CDH18: variants seen among roughly 807,000 people sequenced by gnomAD.
The protein encoded by CDH18 is cadherin 18.
In CDH18, 31 loss-of-function variants were observed where a neutral mutation model predicts 67.9. The observed-to-expected ratio is 0.46, with a 90% CI of 0.34 to 0.62. The LOEUF (loss-of-function observed/expected upper bound fraction) is 0.62, where lower values mean the gene tolerates loss of function less well. Ranked by LOEUF, CDH18 falls within the 20% of genes least tolerant of loss-of-function variation. The probability of loss-of-function intolerance (pLI) is 0.01; values close to 1 mark genes in which losing one functional copy is unlikely to be tolerated. For missense variants in CDH18, 890 were observed against 975.5 expected, an observed-to-expected ratio of 0.91 and a Z score of 1.17; for synonymous variants, 362 against 347.2, an observed-to-expected ratio of 1.04 and a Z score of -0.48.
At chr5:20,158,023 T>G (rs1751689048) in intron 2 of CDH18, among the ~76,000 whole-genome samples, 1 of 152,184 alleles carries the variant, frequency 6.6e-6, no homozygotes, top group Non-Finnish European at 1.5e-5. Context: ...TAATCAAATA[T>G]TTAGCTCAGA....
At position 19,888,487 on chromosome 5, in the gene CDH18, A is replaced by T. The variant is rs557738130; in HGVS notation, c.-256-49245T>A. Among the ~76,000 whole-genome samples the T allele has an allele frequency of 2.0e-5, 3 of 152,146 alleles. No individual in the cohort carries two copies. The East Asian group carries it at 5.8e-4, about 29-fold the overall frequency. On this transcript the variant is annotated intron_variant, in intron 2 of 12. Transcript: ENST00000382275. ...TCTGATACTCACACACCACACATAT[A>T]TATGGTGTGTTAAATTTATAAATGT...
At chr5:20,018,232 C>T (rs1580048845) in intron 2 of CDH18, among the ~76,000 whole-genome samples, 1 of 152,234 alleles carries the variant, frequency 6.6e-6, no homozygotes, top group East Asian at 1.9e-4. Context: ...ATTGTAAATC[C>T]AGATTTCAAC....
chr5:20,426,860 T>C (rs1297395473), intron 1 of CDH18, among the ~76,000 whole-genome samples: 7 of 151,222 alleles, frequency 4.6e-5, no homozygotes, highest in African/African-American at 7.4e-5. Context: ...GACAAGGGTA[T>C]GGCTTCTGTA....
intron 2 of CDH18, among the ~76,000 whole-genome samples, chr5:20,164,576 A>C (rs1419602721): frequency 1.3e-5 from 2 of 152,098 alleles, no homozygotes; most frequent in African/African-American, 4.8e-5. Flanking sequence ...CACCCAGCCC[A>C]GTGTTTCTTA....
intron 5 of CDH18, among the ~76,000 whole-genome samples, chr5:19,696,821 G>A (rs1435388755): frequency 6.6e-6 from 1 of 152,114 alleles, no homozygotes; most frequent in Non-Finnish European, 1.5e-5. Flanking sequence ...CTTATGATAA[G>A]CTCAAACACA....
At chr5:20,248,567 AT>A (rs996416395) in intron 2 of CDH18, among the ~76,000 whole-genome samples, 5 of 152,182 alleles carry the variant, frequency 3.3e-5, no homozygotes, top group Non-Finnish European at 7.3e-5. Context: ...AGAGCTACTT[AT>A]TTAGGAAACA....
At chr5:19,524,462 A>T (rs1183758556) in intron 9 of CDH18, among the ~76,000 whole-genome samples, 1 of 151,682 alleles carries the variant, frequency 6.6e-6, no homozygotes, top group African/African-American at 2.4e-5. Flanking sequence ...CAAAACTAAC[A>T]TAATAATTAG....
chr5:20,186,103 TAAA>T (rs1738080998), intron 2 of CDH18, among the ~76,000 whole-genome samples: 1 of 151,926 alleles, frequency 6.6e-6, no homozygotes, highest in Non-Finnish European at 1.5e-5. Flanking sequence ...TGCAAGCAAA[TAAA>T]AATTGAATAA....
chr5:20,360,691 A>G (rs1490199914), intron 1 of CDH18, among the ~76,000 whole-genome samples: 1 of 152,238 alleles, frequency 6.6e-6, no homozygotes, highest in East Asian at 1.9e-4. Context: ...AATTATGCCA[A>G]CATCATACTT....
At chr5:19,759,875 ACTGGCTCAAGT>A (rs569737783) in intron 3 of CDH18, among the ~76,000 whole-genome samples, 55 of 152,190 alleles carry the variant, frequency 3.6e-4, no homozygotes, top group African/African-American at 1.3e-3. Context: ...GGGTCTGTAA[ACTGGCTCAAGT>A]CTGGAAATGA....
At chr5:19,883,159 G>A (rs1787841017) in intron 2 of CDH18, among the ~76,000 whole-genome samples, 1 of 152,160 alleles carries the variant, frequency 6.6e-6, no homozygotes, top group Non-Finnish European at 1.5e-5. Context: ...CAAAATCTGT[G>A]GGCATTGGCT....
chr5:19,907,993 T>C (rs892986896), intron 2 of CDH18, among the ~76,000 whole-genome samples: 7 of 152,112 alleles, frequency 4.6e-5, no homozygotes, highest in African/African-American at 1.7e-4. Flanking sequence ...ATCAGACATT[T>C]CTAACTAATG....
intron 1 of CDH18, 81 bp downstream of exon 1, chr5:19,988,005 C>T (rs1179053953): frequency 6.6e-6 from 1 of 152,186 alleles, no homozygotes; most frequent in East Asian, 1.9e-4. Flanking sequence ...TGCTTTGACT[C>T]AGAACTGGGT....
chr5:19,553,594 T>G (rs1737838175), intron 8 of CDH18, among the ~76,000 whole-genome samples: 1 of 149,408 alleles, frequency 6.7e-6, no homozygotes, highest in African/African-American at 2.5e-5. Context: ...GTTTAATCAA[T>G]ACATACCCTG....
intron 2 of CDH18, among the ~76,000 whole-genome samples, chr5:19,945,810 G>T (rs1053201971): frequency 5.9e-5 from 9 of 151,780 alleles, no homozygotes; most frequent in Non-Finnish European, 1.0e-4. Flanking sequence ...AAAAAAATTT[G>T]GTCAACACAG....
intron 3 of CDH18, among the ~76,000 whole-genome samples, chr5:19,815,534 T>C (rs1180369729): frequency 6.6e-6 from 1 of 150,380 alleles, no homozygotes; most frequent in Non-Finnish European, 1.5e-5. Flanking sequence ...ATTTCTTTAA[T>C]TTGAAAATAC....
intron 1 of CDH18, among the ~76,000 whole-genome samples, chr5:20,436,548 C>A (rs939678910): frequency 7.9e-5 from 12 of 151,148 alleles, no homozygotes; most frequent in Non-Finnish European, 1.8e-4. Context: ...TTCATTTATC[C>A]TGAAAAAATA....
intron 2 of CDH18, among the ~76,000 whole-genome samples, chr5:20,169,728 C>T (rs1389219021): frequency 6.6e-6 from 1 of 152,048 alleles, no homozygotes; most frequent in Admixed American, 6.6e-5. Context: ...AGGTAACAGA[C>T]TCACTATGAT....
chr5:20,044,726 T>C (rs1007812104), intron 2 of CDH18, among the ~76,000 whole-genome samples: 1 of 152,134 alleles, frequency 6.6e-6, no homozygotes, highest in Admixed American at 6.6e-5. Context: ...AGTTAAACCA[T>C]AGAGCCAGAC....
Sources: gnomAD v4.1 joint callset for allele counts (sites outside exome capture counted in the v4.1 genomes callset) on GRCh38, gnomAD v4.1.1 for gene constraint, MANE v1.5 for transcripts, NCBI Gene and HGNC (gene_info 2026-07-23, HGNC 2026-07-21) for gene names.